The following SPATS2 variants were observed in gnomAD, a reference collection of about 807,000 sequenced individuals.
SPATS2 encodes spermatogenesis-associated serine-rich protein 2.
SPATS2 carries 38 observed loss-of-function variants against 63.7 expected under a neutral mutation model. The ratio of observed to expected loss-of-function variants is 0.60; its 90% CI spans 0.46 to 0.78. The LOEUF is 0.78. SPATS2 is among the 30% of genes least tolerant of loss of function. The pLI, the probability that SPATS2 is intolerant of heterozygous loss-of-function variation, is 0.00. For missense variants in SPATS2, 588 were observed against 666.2 expected (o/e 0.88, Z 1.29); for synonymous variants, 207 against 232.9 (o/e 0.89, Z 1.01).
rs772016994 is a variant in SPATS2 at position 49,522,790 on chromosome 12, C to A, written c.1048C>A (p.Arg350=). 1 of 1,613,748 alleles carries A rather than the reference C, an allele frequency of 6.2e-7. No individual in the cohort carries two copies. The highest frequency in any genetic ancestry group is 1.1e-5 in the South Asian group (1 of 91,070). The change falls in exon 12 of 14, where the codon CGA becomes AGA. Residue 350 remains arginine, a synonymous_variant. Transcript: ENST00000552918. ...SERKYDEDLG[R]VARFTCDVET... is the part of the protein sequence containing the mutation. Reference sequence around the variant, plus strand: ...ACGTAAATATGATGAGGATCTGGGACGAGTAGCCCGGTTCACCTGTGATGT... The same window carrying A: ...ACGTAAATATGATGAGGATCTGGGAAGAGTAGCCCGGTTCACCTGTGATGT...
In SPATS2 at chr12:49,514,678, C is replaced by A. The variant is rs990587824; in HGVS notation, c.898+65C>A. 6 of 1,446,578 alleles carry A rather than the reference C, an allele frequency of 4.1e-6. No individual in the cohort carries two copies. In the African/African-American group the frequency reaches 5.7e-5, roughly 14 times the overall value. 89.6% of individuals were successfully genotyped at this position (1,446,578 alleles called of 1,614,324 possible). A position where few individuals can be genotyped will look rare whatever the true frequency, so the allele number is the denominator to read the frequency against. Reference sequence around the variant, plus strand: ...AAATAGTAGGTACCTACTTCCCAACCCTTATAACAAAAGTTCCATATAAAT... The same window carrying A: ...AAATAGTAGGTACCTACTTCCCAACACTTATAACAAAAGTTCCATATAAAT... On this transcript the variant is annotated intron_variant, in intron 10 of 13. Coordinates refer to ENST00000552918, the MANE Select transcript of SPATS2 (RefSeq NM_023071.4).
chr12:49,374,048 T>C (rs1944048746), intron 2 of SPATS2, among the ~76,000 whole-genome samples: 1 of 151,804 alleles, frequency 6.6e-6, no homozygotes, highest in African/African-American at 2.4e-5. Context: ...ATCATGTCAC[T>C]GCACTCCAAC....
At chr12:49,440,946 T>G (rs1017436710) in intron 2 of SPATS2, among the ~76,000 whole-genome samples, 1 of 152,234 alleles carries the variant, frequency 6.6e-6, no homozygotes, top group East Asian at 1.9e-4. Flanking sequence ...TTAATAGTGC[T>G]AATAACTTTG....
intron 7 of SPATS2, 116 bp downstream of exon 7, chr12:49,495,118 T>TAAAA: frequency 9.1e-7 from 1 of 1,098,606 alleles, no homozygotes; most frequent in South Asian, 2.6e-5. Context: ...TGCTTGCTGA[T>TAAAA]TAGTCTTTTT....
intron 2 of SPATS2, among the ~76,000 whole-genome samples, chr12:49,436,201 A>T (rs1345566681): frequency 3.7e-4 from 53 of 144,524 alleles, no homozygotes; most frequent in African/African-American, 1.1e-3. Flanking sequence ...GGGGCTCCTC[A>T]CTTCCCAGTA....
At chr12:49,516,155 AAAAAAAAAAAAATATATATATATAT>A (rs1424077752) in intron 10 of SPATS2, among the ~76,000 whole-genome samples, 16 of 45,860 alleles carry the variant, frequency 3.5e-4, no homozygotes, top group Non-Finnish European at 6.0e-4. Context: ...AAAAAAAAAA[AAAAAAAAAAAAATATATATATATAT>A]ATATATATAT....
At chr12:49,370,817 C>T (rs1383779491) in intron 1 of SPATS2, among the ~76,000 whole-genome samples, 2 of 152,160 alleles carry the variant, frequency 1.3e-5, no homozygotes, top group African/African-American at 2.4e-5. Flanking sequence ...GGATCTCACT[C>T]TGTCGCCCAG....
chr12:49,481,003 G>A, intron 3 of SPATS2, among the ~76,000 whole-genome samples: 1 of 152,070 alleles, frequency 6.6e-6, no homozygotes, highest in Non-Finnish European at 1.5e-5. Flanking sequence ...CTATTTCTAT[G>A]TCATTCTCAG....
At chr12:49,431,265 T>C (rs1445695130) in intron 2 of SPATS2, among the ~76,000 whole-genome samples, 2 of 152,138 alleles carry the variant, frequency 1.3e-5, no homozygotes, top group African/African-American at 4.8e-5. Flanking sequence ...TTTTTTCTTT[T>C]TAAGGTGGAG....
intron 3 of SPATS2, among the ~76,000 whole-genome samples, chr12:49,481,353 TC>T (rs1946201992): frequency 6.6e-6 from 1 of 150,730 alleles, no homozygotes; most frequent in East Asian, 2.0e-4. Flanking sequence ...AGAGCGAGAC[TC>T]CGTCTCCAGA....
intron 5 of SPATS2, chr12:49,490,444 T>TAA (rs769461884): frequency 2.0e-5 from 10 of 502,668 alleles, no homozygotes; most frequent in African/African-American, 3.9e-5. Flanking sequence ...AGTCTCTTCT[T>TAA]AGAAGAACTT....
intron 3 of SPATS2, among the ~76,000 whole-genome samples, chr12:49,476,629 C>T (rs182733649): frequency 2.6e-5 from 4 of 152,172 alleles, no homozygotes; most frequent in African/African-American, 4.8e-5. Context: ...TCCGTATGCT[C>T]CCCTAGAGGT....
At chr12:49,515,489 C>T (rs910071280) in intron 10 of SPATS2, among the ~76,000 whole-genome samples, 7 of 152,204 alleles carry the variant, frequency 4.6e-5, no homozygotes, top group African/African-American at 1.7e-4. Context: ...GAGGATGCAG[C>T]TTTGAAGCAC....
chr12:49,458,928 T>G (rs1368031264), intron 2 of SPATS2, among the ~76,000 whole-genome samples: 4 of 152,146 alleles, frequency 2.6e-5, no homozygotes, highest in Admixed American at 2.6e-4. Context: ...CATGTTAAAA[T>G]TCCTTTGCAC....
At chr12:49,437,683 G>A (rs1405441786) in intron 2 of SPATS2, among the ~76,000 whole-genome samples, 1 of 152,254 alleles carries the variant, frequency 6.6e-6, no homozygotes, top group Non-Finnish European at 1.5e-5. Flanking sequence ...ACGAAAACCA[G>A]TCAGGCATGG....
chr12:49,420,860 A>G (rs2137417406), intron 2 of SPATS2, among the ~76,000 whole-genome samples: 1 of 152,168 alleles, frequency 6.6e-6, no homozygotes, highest in South Asian at 2.1e-4. Context: ...ATAATTAGAA[A>G]CAAAATTAGC....
At chr12:49,448,275 C>T (rs1399652140) in intron 2 of SPATS2, among the ~76,000 whole-genome samples, 22 of 151,016 alleles carry the variant, frequency 1.5e-4, no homozygotes, top group African/African-American at 4.6e-4. Flanking sequence ...GTAGCTGGGA[C>T]TACAGGCACC....
intron 2 of SPATS2, among the ~76,000 whole-genome samples, chr12:49,458,014 A>G (rs957417871): frequency 6.6e-6 from 1 of 152,042 alleles, no homozygotes; most frequent in African/African-American, 2.4e-5. Context: ...ATTTTTTAAA[A>G]CTTTCGCAGA....
chr12:49,433,250 C>T (rs1057309875), intron 2 of SPATS2, among the ~76,000 whole-genome samples: 95 of 152,292 alleles, frequency 6.2e-4, no homozygotes, highest in African/African-American at 2.2e-3. Flanking sequence ...GCAACCTCCG[C>T]CTCCCAGGTT....
Sources: allele counts gnomAD v4.1 joint callset (sites outside exome capture counted in the v4.1 genomes callset), GRCh38; gene constraint gnomAD v4.1.1; transcripts MANE v1.5; gene names NCBI Gene and HGNC (gene_info 2026-07-23, HGNC 2026-07-21).